PARD3B: variants seen among roughly 807,000 people sequenced by gnomAD.
The protein encoded by PARD3B is partitioning defective 3 homolog B.
In PARD3B, 103 loss-of-function variants were observed where a neutral mutation model predicts 130.2. The observed-to-expected ratio is 0.79, with a 90% CI of 0.67 to 0.93. The LOEUF is 0.93. Among genes scored for constraint, PARD3B ranks in the 40% least tolerant of loss-of-function variants. The pLI, the probability that PARD3B is intolerant of heterozygous loss-of-function variation, is 0.00. For synonymous variants in PARD3B, 583 were observed against 553.2 expected (o/e 1.05, Z -0.76); for missense variants, 1,609 against 1,499.2 (o/e 1.07, Z -1.21).
intron 1 of PARD3B, among the ~76,000 whole-genome samples, chr2:204,563,532 T>C (rs913752337): frequency 1.3e-5 from 2 of 152,142 alleles, no homozygotes; most frequent in South Asian, 2.1e-4. Context: ...GATTTCCCCA[T>C]TGCCTTTCTT....
In PARD3B at chr2:204,623,646, G is replaced by A. The variant is rs574255697; in HGVS notation, c.121-62535G>A. Among the ~76,000 whole-genome samples, 1 of 151,976 alleles carries A rather than the reference G, an allele frequency of 6.6e-6. No individual in the cohort carries two copies. Among genetic ancestry groups the A allele is most frequent in the South Asian group, 2.1e-4 (1 of 4,812 alleles). Reference sequence around the variant, plus strand: ...ATTCATTCCCTTTTTCTTTATTGTGGTAAGAACACTTAACATGAGATCTGT... The same window carrying A: ...ATTCATTCCCTTTTTCTTTATTGTGATAAGAACACTTAACATGAGATCTGT... On this transcript the variant is annotated intron_variant, in intron 1 of 22. Coordinates refer to ENST00000406610, the MANE Select transcript of PARD3B (RefSeq NM_001302769.2). The surrounding 1 kb of genome is among the most constrained non-coding windows in gnomAD (Gnocchi z 4.5).
chr2:204,899,008 G>A (rs2046748592), intron 2 of PARD3B, among the ~76,000 whole-genome samples: 1 of 149,028 alleles, frequency 6.7e-6, no homozygotes, highest in Admixed American at 6.7e-5. Context: ...GTTTTTGTGT[G>A]TCTTTACAGG....
intron 2 of PARD3B, among the ~76,000 whole-genome samples, chr2:204,780,601 C>G (rs1456683162): frequency 6.6e-6 from 1 of 152,076 alleles, no homozygotes; most frequent in South Asian, 2.1e-4. Flanking sequence ...CTCTTTTTCC[C>G]CCAAGAATGT....
intron 3 of PARD3B, among the ~76,000 whole-genome samples, chr2:205,017,109 A>G (rs575695297): frequency 1.3e-5 from 2 of 152,286 alleles, no homozygotes; most frequent in South Asian, 4.1e-4. Context: ...CGAAAAACAT[A>G]AAGGGAATGA....
rs148369422 is a variant in PARD3B, at chr2:205,012,664, C to T, written c.395-34917C>T. ...TCACAGCAAACACTTGATAGCTTAA[C>T]GCATACAACCGCATTAAAGAGATAG... On this transcript the variant is annotated intron_variant, in intron 3 of 22. Transcript: ENST00000406610. Among the ~76,000 whole-genome samples, 7 of 152,312 alleles carry T rather than the reference C, an allele frequency of 4.6e-5. 1 individual carries two copies. The highest frequency in any genetic ancestry group is 6.5e-5 in the Admixed American group (1 of 15,294).
rs906256614 is a variant in PARD3B at position 204,675,519 on chromosome 2, G to C, written c.121-10662G>C. ...TATATTCTTATAAAGTCAGTGTCTTGAGATGATGTAGACAGTACATTTGGA... is the reference window on the plus strand; with the variant it reads ...TATATTCTTATAAAGTCAGTGTCTTCAGATGATGTAGACAGTACATTTGGA... On this transcript the variant is annotated intron_variant, in intron 1 of 22. Coordinates refer to ENST00000406610, the MANE Select transcript of PARD3B (RefSeq NM_001302769.2). The surrounding 1 kb of genome is among the most constrained non-coding windows in gnomAD (Gnocchi z 4.4). 1.3e-5 allele frequency among the ~76,000 whole-genome samples: 2 copies of C among 151,914 alleles called. No individual in the cohort carries two copies. The highest frequency in any genetic ancestry group is 2.4e-5 in the African/African-American group (1 of 41,396).
intron 15 of PARD3B, among the ~76,000 whole-genome samples, chr2:205,235,549 T>C (rs758605690): frequency 3.9e-5 from 6 of 152,104 alleles, no homozygotes; most frequent in Non-Finnish European, 2.9e-5. Context: ...CTGTAGAGGA[T>C]AGTACTATAC....
chr2:204,547,460 A>G (rs560542199), intron 1 of PARD3B, among the ~76,000 whole-genome samples: 5 of 152,326 alleles, frequency 3.3e-5, no homozygotes, highest in Admixed American at 3.3e-4. Context: ...GTGAAAATCA[A>G]CTGCAATGTT....
chr2:204,979,363 G>A (rs1180039767), intron 3 of PARD3B, among the ~76,000 whole-genome samples: 1 of 152,158 alleles, frequency 6.6e-6, no homozygotes, highest in Non-Finnish European at 1.5e-5. Context: ...CTTTTAAGAC[G>A]AGACCTGCCA....
intron 3 of PARD3B, among the ~76,000 whole-genome samples, chr2:205,045,741 C>T (rs942764470): frequency 3.3e-5 from 5 of 151,782 alleles, no homozygotes; most frequent in Non-Finnish European, 7.4e-5. Context: ...CTCTCACACA[C>T]GCACACATAC....
At chr2:205,261,995 T>G (rs1427537403) in intron 16 of PARD3B, among the ~76,000 whole-genome samples, 1 of 152,150 alleles carries the variant, frequency 6.6e-6, no homozygotes, top group Non-Finnish European at 1.5e-5. Context: ...CCAGTCCTAT[T>G]TATTCTAACA....
intron 3 of PARD3B, among the ~76,000 whole-genome samples, chr2:205,012,345 G>A (rs1320135294): frequency 6.6e-6 from 1 of 151,906 alleles, no homozygotes; most frequent in Non-Finnish European, 1.5e-5. Flanking sequence ...CCATTTTTCT[G>A]CTTGTATAAT....
chr2:204,787,083 T>C (rs1210843606), intron 2 of PARD3B, among the ~76,000 whole-genome samples: 5 of 152,030 alleles, frequency 3.3e-5, no homozygotes, highest in Non-Finnish European at 5.9e-5. Flanking sequence ...AAATCATTTT[T>C]ATTGCAGCCT....
chr2:205,489,510 CGTATATATATATACACACATATAT>C (rs1232053461), intron 20 of PARD3B, among the ~76,000 whole-genome samples: 22 of 130,232 alleles, frequency 1.7e-4, no homozygotes, highest in African/African-American at 6.4e-4. Flanking sequence ...TATATATATA[CGTATATATATATACACACATATAT>C]ATGGCATATA....
At chr2:205,381,978 T>A (rs1405228600) in intron 18 of PARD3B, among the ~76,000 whole-genome samples, 1 of 152,090 alleles carries the variant, frequency 6.6e-6, no homozygotes, top group Non-Finnish European at 1.5e-5. Flanking sequence ...TGCAAAGAAG[T>A]AGCACAGTTT....
At chr2:205,318,844 C>T (rs970621995) in intron 18 of PARD3B, among the ~76,000 whole-genome samples, 1 of 152,168 alleles carries the variant, frequency 6.6e-6, no homozygotes, top group East Asian at 1.9e-4. Context: ...ACAACAAGCT[C>T]AGGCCACACT....
intron 2 of PARD3B, among the ~76,000 whole-genome samples, chr2:204,928,535 G>T (rs1687800854): frequency 6.6e-6 from 1 of 152,214 alleles, no homozygotes; most frequent in South Asian, 2.1e-4. Context: ...CTATCACAAT[G>T]TGACTTGGTG....
In PARD3B at chr2:205,592,618, C is replaced by G. The variant is rs1248660262; in HGVS notation, c.3261-22838C>G. 6.6e-6 allele frequency among the ~76,000 whole-genome samples: 1 copy of G among 152,144 alleles called. No homozygotes were observed. The highest frequency in any genetic ancestry group is 6.5e-5 in the Admixed American group (1 of 15,282). On this transcript the variant is annotated intron_variant, in intron 22 of 22. Coordinates refer to ENST00000406610, the MANE Select transcript of PARD3B (RefSeq NM_001302769.2). The surrounding 1 kb of genome is among the most constrained non-coding windows in gnomAD (Gnocchi z 4.5). ...GAATGTTTCCCATACAACTATAATG[C>G]CTGCGTTATATTTAAGGTTTTTCAT...
rs938054137 is a variant in PARD3B at position 205,258,766 on chromosome 2, G to A, written c.2185+12944G>A. Among the ~76,000 whole-genome samples the A allele has an allele frequency of 6.6e-6, 1 of 152,160 alleles. No individual in the cohort carries two copies. Among genetic ancestry groups the A allele is most frequent in the African/African-American group, 2.4e-5 (1 of 41,430 alleles). ...ATAAATAGCTGGATTTTGTTTTGAT[G>A]TTCAATGTGACAACCTGAATTGTAA... On this transcript the variant is annotated intron_variant, in intron 16 of 22. Coordinates refer to ENST00000406610, the MANE Select transcript of PARD3B (RefSeq NM_001302769.2). This position sits in a 1 kb window ranked among gnomAD's most constrained non-coding sequence, Gnocchi z 4.9.
Sources: gnomAD v4.1 joint callset for allele counts (sites outside exome capture counted in the v4.1 genomes callset) on GRCh38, gnomAD v4.1.1 for gene constraint, Gnocchi (gnomAD v3.1) non-coding constraint, MANE v1.5 for transcripts, NCBI Gene and HGNC (gene_info 2026-07-23, HGNC 2026-07-21) for gene names.